The following CIB3 variants were observed in gnomAD, a reference collection of about 807,000 sequenced individuals.
CIB3 encodes calcium and integrin-binding family member 3.
Under a neutral mutation model 23.4 loss-of-function variants are expected in CIB3, and 22 were observed. The ratio of observed to expected loss-of-function variants is 0.94; its 90% CI spans 0.67 to 1.34. CIB3 has a LOEUF of 1.34. Among genes scored for constraint, CIB3 ranks in the 40% most tolerant of loss-of-function variants. CIB3 has a pLI of 0.00. For missense variants in CIB3, 258 were observed against 247.3 expected (o/e 1.04, Z -0.29); for synonymous variants, 93 against 95.8 (o/e 0.97, Z 0.17).
intron 4 of CIB3, among the ~76,000 whole-genome samples, chr19:16,167,823 A>G (rs1222925096): frequency 1.3e-5 from 2 of 152,166 alleles, no homozygotes; most frequent in South Asian, 4.2e-4. Context: ...AAAGAGCGAA[A>G]CTCCATCTCA....
chr19:16,165,466 C>T (rs1238329987), intron 4 of CIB3, among the ~76,000 whole-genome samples: 18 of 150,878 alleles, frequency 1.2e-4, no homozygotes, highest in Middle Eastern at 6.9e-3. Context: ...TTCTTTGAGA[C>T]GGAGTCTCGC....
intron 2 of CIB3, among the ~76,000 whole-genome samples, chr19:16,172,895 T>A (rs1189933263): frequency 1.3e-5 from 2 of 148,630 alleles, no homozygotes; most frequent in Non-Finnish European, 3.0e-5. Context: ...GAGCCTGCAA[T>A]GAGCCATGAT....
intron 4 of CIB3, among the ~76,000 whole-genome samples, chr19:16,167,933 T>G (rs546548842): frequency 6.6e-6 from 1 of 152,328 alleles, no homozygotes; most frequent in East Asian, 1.9e-4. Flanking sequence ...GGCCGAAGAC[T>G]GTGTTTGAGG....
intron 2 of CIB3, among the ~76,000 whole-genome samples, chr19:16,171,968 C>T (rs907339553): frequency 6.6e-6 from 1 of 152,240 alleles, no homozygotes; most frequent in Non-Finnish European, 1.5e-5. Context: ...GCAATGGCCC[C>T]ACAGGCCGAG....
At chr19:16,170,953 A>G (rs1303494751) in intron 2 of CIB3, among the ~76,000 whole-genome samples, 1 of 152,098 alleles carries the variant, frequency 6.6e-6, no homozygotes, top group African/African-American at 2.4e-5. Flanking sequence ...CCTGGCTAAC[A>G]TGGTGAAACC....
At chr19:16,163,204 G>A (rs10420081) in intron 5 of CIB3, among the ~76,000 whole-genome samples, 94,506 of 151,758 alleles carry the variant, frequency 0.62, 32,208 homozygotes, top group East Asian at 0.95. Context: ...AGAGGCTGCA[G>A]TGAGCCGATT....
intron 4 of CIB3, among the ~76,000 whole-genome samples, chr19:16,167,803 G>A (rs747241846): frequency 4.6e-5 from 7 of 152,094 alleles, no homozygotes; most frequent in Non-Finnish European, 8.8e-5. Flanking sequence ...CTGCACTCTA[G>A]CCTGGGCAAA....
intron 4 of CIB3, 25 bp downstream of exon 4, chr19:16,168,112 C>G (rs1424050110): frequency 2.2e-6 from 3 of 1,338,708 alleles, no homozygotes; most frequent in Non-Finnish European, 2.0e-6. Context: ...CCCCATGCTT[C>G]CCAACCCCAG....
chr19:16,169,603 CCT>C, intron 3 of CIB3, 25 bp downstream of exon 3: 1 of 1,594,002 alleles, frequency 6.3e-7, no homozygotes, highest in East Asian at 2.3e-5. Context: ...TATTTTTTAC[CCT>C]GTTTGTCCCA....
intron 4 of CIB3, among the ~76,000 whole-genome samples, chr19:16,166,619 G>T (rs1372530420): frequency 6.6e-6 from 1 of 152,106 alleles, no homozygotes; most frequent in African/African-American, 2.4e-5. Flanking sequence ...CCTACTACAT[G>T]TTGGGCACCA....
intron 3 of CIB3, among the ~76,000 whole-genome samples, chr19:16,169,346 G>A (rs2091318386): frequency 6.6e-6 from 1 of 152,074 alleles, no homozygotes; most frequent in Non-Finnish European, 1.5e-5. Flanking sequence ...GTTTCACCAT[G>A]TTGGCCAGGC....
intron 2 of CIB3, among the ~76,000 whole-genome samples, chr19:16,172,187 CT>C (rs1352197533): frequency 6.6e-6 from 1 of 152,204 alleles, no homozygotes; most frequent in African/African-American, 2.4e-5. Flanking sequence ...CAGAGTCTAG[CT>C]CTGTCACCCA....
Position 16,164,530 on chromosome 19 carries a change from G to A in CIB3, c.542+188C>T, listed in dbSNP as rs1034353438. 7.2e-5 allele frequency among the ~76,000 whole-genome samples: 11 copies of A among 152,128 alleles called. No individual in the cohort carries two copies. The South Asian group carries it at 1.0e-3, about 14-fold the overall frequency. ...AAAGAGGTGTATCCACTCGCAAGAG[G>A]TGCCCAGGGGGTCCCTAATTATCCC... On this transcript the variant is annotated intron_variant, in intron 5 of 5. Transcript: ENST00000269878.
intron 4 of CIB3, among the ~76,000 whole-genome samples, chr19:16,167,763 C>T (rs1399264319): frequency 6.6e-6 from 1 of 152,022 alleles, no homozygotes; most frequent in Non-Finnish European, 1.5e-5. Context: ...ACCTGGGAGG[C>T]GGAGACTGCA....
intron 1 of CIB3, 107 bp downstream of exon 1, chr19:16,173,318 G>A: frequency 6.4e-7 from 1 of 1,566,140 alleles, no homozygotes; most frequent in Non-Finnish European, 8.8e-7. Context: ...GCAGAACCAG[G>A]AACCCAGGCG....
In CIB3 at chr19:16,168,130, C is replaced by A; in HGVS notation, c.346+7G>T. On this transcript the variant is annotated splice_region_variant and intron_variant, in intron 4 of 5. Transcript: ENST00000269878. Reference sequence around the variant, plus strand: ...CATGCTTCCCAACCCCAGGGCCACGCACGCACCATAAATTTTAAAAGCATA... The same window carrying A: ...CATGCTTCCCAACCCCAGGGCCACGAACGCACCATAAATTTTAAAAGCATA... The A allele has an allele frequency of 6.2e-7, 1 of 1,602,738 alleles. No homozygotes were observed. The highest frequency in any genetic ancestry group is 8.5e-7 in the Non-Finnish European group (1 of 1,174,688).
chr19:16,166,200 A>C (rs1374900448), intron 4 of CIB3, among the ~76,000 whole-genome samples: 1 of 152,180 alleles, frequency 6.6e-6, no homozygotes, highest in East Asian at 1.9e-4. Flanking sequence ...CTGAGGCAGG[A>C]GAATCGCTTG....
At chr19:16,162,243 CAAAAAAAA>C (rs79329568) in intron 5 of CIB3, among the ~76,000 whole-genome samples, 11 of 52,470 alleles carry the variant, frequency 2.1e-4, no homozygotes, top group African/African-American at 6.8e-4. Flanking sequence ...CTTGTCTCCA[CAAAAAAAA>C]AAAAAAAAAA....
chr19:16,168,830 C>G (rs1206079497), intron 3 of CIB3, among the ~76,000 whole-genome samples: 4 of 152,138 alleles, frequency 2.6e-5, no homozygotes, highest in African/African-American at 9.7e-5. Context: ...GTCCCTGCCT[C>G]TGGATTTTTT....
Sources: gnomAD v4.1 joint callset for allele counts (sites outside exome capture counted in the v4.1 genomes callset) on GRCh38, gnomAD v4.1.1 for gene constraint, MANE v1.5 for transcripts, NCBI Gene and HGNC (gene_info 2026-07-23, HGNC 2026-07-21) for gene names.